The following NAV1 variants were observed in gnomAD, a reference collection of about 807,000 sequenced individuals.
The protein encoded by NAV1 is pore membrane and/or filament interacting like protein 3.
In NAV1, 18 loss-of-function variants were observed where a neutral mutation model predicts 175.2. The ratio of observed to expected loss-of-function variants is 0.10; its 90% CI spans 0.07 to 0.15. The LOEUF is 0.15. Ranked by LOEUF, NAV1 falls within the 10% of genes least tolerant of loss-of-function variation. The probability of loss-of-function intolerance (pLI) is 1.00; values close to 1 mark genes in which losing one functional copy is unlikely to be tolerated. For missense variants in NAV1, 1,731 were observed against 2,436.6 expected, an observed-to-expected ratio of 0.71 and a Z score of 6.10; for synonymous variants, 897 against 978.7, an observed-to-expected ratio of 0.92 and a Z score of 1.56.
chr1:201,550,153 A>T lies in NAV1; in HGVS notation c.-144+10811A>T, dbSNP rs538637169. ...AATTGCTAAATATTTGTTGTAATTTAAAAAAAATTATAATTTCACTTTTTT... is the reference window on the plus strand; with the variant it reads ...AATTGCTAAATATTTGTTGTAATTTTAAAAAAATTATAATTTCACTTTTTT... On this transcript the variant is annotated intron_variant, in intron 1 of 33. Transcript: ENST00000685211. Among the ~76,000 whole-genome samples, 1,164 of 151,976 alleles carry T rather than the reference A, an allele frequency of 7.7e-3. 16 individuals carry two copies. The highest frequency in any genetic ancestry group is 0.026 in the African/African-American group (1,066 of 41,472).
intron 3 of NAV1, chr1:201,733,471 A>G (rs186975665): frequency 6.6e-6 from 1 of 152,324 alleles, no homozygotes; most frequent in African/African-American, 2.4e-5. Context: ...ATGTGCAAGG[A>G]TGACACCCAA....
intron 1 of NAV1, among the ~76,000 whole-genome samples, chr1:201,697,593 T>C (rs1335603515): frequency 1.3e-5 from 2 of 152,230 alleles, no homozygotes; most frequent in Non-Finnish European, 2.9e-5. Context: ...AGTCTCCTCA[T>C]CTGTGAAATG....
intron 1 of NAV1, among the ~76,000 whole-genome samples, chr1:201,651,616 G>A (rs1406809062): frequency 6.6e-6 from 1 of 152,172 alleles, no homozygotes; most frequent in Non-Finnish European, 1.5e-5. Context: ...ATGAGTTCAT[G>A]GTGGAAGGGA....
At chr1:201,762,475 G>A (rs1674922149) in intron 3 of NAV1, among the ~76,000 whole-genome samples, 2 of 152,144 alleles carry the variant, frequency 1.3e-5, no homozygotes, top group East Asian at 1.9e-4. Flanking sequence ...ATGATTGGAA[G>A]GAACAAAAGA....
In NAV1 at chr1:201,783,788, C is replaced by G. The variant is rs1446873882; in HGVS notation, c.2740C>G (p.Pro914Ala). ...CACCCCACCTGCTCCCCCTGCTGCT[C>G]CCACAGAAGAAGAGACGGAAGAGCT... Residue 914 changes from proline to alanine, a missense_variant, in exon 7 of 30, where the codon CCC (proline) becomes GCC (alanine). Pro to Ala is a conservative substitution (Grantham distance 27). Transcript: ENST00000367296. 3 of 1,614,004 alleles carry G rather than the reference C, an allele frequency of 1.9e-6. No homozygotes were observed. The East Asian group carries it at 6.7e-5, about 36-fold the overall frequency.
At chr1:201,707,969 C>T (rs1463114120) in intron 1 of NAV1, among the ~76,000 whole-genome samples, 1 of 152,286 alleles carries the variant, frequency 6.6e-6, no homozygotes, top group East Asian at 1.9e-4. Flanking sequence ...TGATCAGTCC[C>T]CTGGCTCAAA....
At chr1:201,819,631 T>C (rs575673829) in intron 29 of NAV1, among the ~76,000 whole-genome samples, 19 of 152,234 alleles carry the variant, frequency 1.2e-4, no homozygotes, top group African/African-American at 4.3e-4. Context: ...CCACCACGCC[T>C]GGCCAGTTTT....
chr1:201,799,196 G>GGA (rs1553277505), intron 15 of NAV1, among the ~76,000 whole-genome samples: 2 of 151,384 alleles, frequency 1.3e-5, no homozygotes, highest in African/African-American at 2.4e-5. Flanking sequence ...GTGTGTGTGT[G>GGA]GAGAGAGAGA....
chr1:201,739,891 G>A (rs982161643), intron 3 of NAV1: 1 of 1,286,348 alleles, frequency 7.8e-7, no homozygotes, highest in South Asian at 2.7e-5. Context: ...CGGAGGGCAG[G>A]CGAGGGTTAG....
At chr1:201,735,366 G>A (rs569301068) in intron 3 of NAV1, among the ~76,000 whole-genome samples, 5 of 152,172 alleles carry the variant, frequency 3.3e-5, no homozygotes, top group Non-Finnish European at 5.9e-5. Flanking sequence ...AGTCCTTTTT[G>A]GCTCAAACGT....
intron 1 of NAV1, among the ~76,000 whole-genome samples, chr1:201,701,781 G>T (rs149663827): frequency 5.3e-5 from 8 of 152,332 alleles, no homozygotes; most frequent in African/African-American, 1.9e-4. Flanking sequence ...TACTGCTGAT[G>T]GGAATGAGAA....
intron 1 of NAV1, among the ~76,000 whole-genome samples, chr1:201,692,808 G>A (rs898593661): frequency 6.6e-6 from 1 of 152,248 alleles, no homozygotes; most frequent in African/African-American, 2.4e-5. Context: ...AGGGAGTCAA[G>A]CCAGACACTT....
chr1:201,793,613 T>G, intron 13 of NAV1, 179 bp from the exon 18 acceptor site: 1 of 591,484 alleles, frequency 1.7e-6, no homozygotes, highest in South Asian at 2.1e-5. Flanking sequence ...ACCAGAAAAT[T>G]TCTTTGATTT....
At chr1:201,756,833 TTTC>T (rs1674518102) in intron 3 of NAV1, among the ~76,000 whole-genome samples, 1 of 71,276 alleles carries the variant, frequency 1.4e-5, no homozygotes, top group African/African-American at 3.7e-5. Context: ...TCTTTCTTTC[TTTC>T]TTTCTTTCTT....
chr1:201,753,844 G>A (rs1007407395), intron 3 of NAV1, among the ~76,000 whole-genome samples: 2 of 152,134 alleles, frequency 1.3e-5, no homozygotes, highest in Non-Finnish European at 2.9e-5. Context: ...GATTATTGTT[G>A]TTACACAAAA....
chr1:201,609,503 TG>T (rs1451320167), intron 2 of NAV1, among the ~76,000 whole-genome samples: 1 of 152,224 alleles, frequency 6.6e-6, no homozygotes, highest in African/African-American at 2.4e-5. Context: ...CCAGTGGCCC[TG>T]GAAGTATGTG....
exon 7 of NAV1, chr1:201,783,624 G>T (rs769450221): frequency 9.9e-6 from 16 of 1,614,012 alleles, no homozygotes; most frequent in Non-Finnish European, 4.2e-6. Flanking sequence ...TTCTCCCAGG[G>T]CCTGGAGCTA....
At position 201,783,661 on chromosome 1, in the gene NAV1, G is replaced by C. The variant is rs1676494298; in HGVS notation, c.2613G>C (p.Glu871Asp). The change falls in exon 7 of 30, where the codon GAG becomes GAC. Residue 871 changes from glutamate (E) to aspartate (D), a missense_variant. Around this residue, in one of 13 missense-constraint regions of NAV1, gnomAD observed 634 missense variants for 766.8 expected, o/e 0.83. Coordinates refer to ENST00000367296, the Ensembl canonical transcript of NAV1. ...TGAGTGGTTTCAGTGTGCCAAAAGA[G>C]ACCCGCATGTACCCCAAACTCTCAG... The C allele has an allele frequency of 1.2e-5, 20 of 1,614,114 alleles. No individual in the cohort carries two copies. The East Asian group carries it at 4.2e-4, about 34-fold the overall frequency.
chr1:201,604,729 A>AG (rs1402525951), intron 2 of NAV1, among the ~76,000 whole-genome samples: 1 of 142,324 alleles, frequency 7.0e-6, no homozygotes, highest in African/African-American at 2.7e-5. Context: ...AGAAAGAGAA[A>AG]GAAAGAAAGA....
Sources: gnomAD v4.1 joint callset for allele counts (sites outside exome capture counted in the v4.1 genomes callset) on GRCh38, gnomAD v4.1.1 for gene constraint, gnomAD v4.1.1 regional missense constraint, MANE v1.5 for transcripts, NCBI Gene and HGNC (gene_info 2026-07-23, HGNC 2026-07-21) for gene names.